Variants in KHNYN observed in about 807,000 individuals in gnomAD.
KHNYN encodes the protein protein KHNYN.
Under a neutral mutation model 62.7 loss-of-function variants are expected in KHNYN, and 42 were observed. The observed-to-expected ratio is 0.67, with a 90% CI of 0.52 to 0.87. KHNYN has a LOEUF of 0.87. KHNYN is among the 40% of genes least tolerant of loss of function. KHNYN has a pLI of 0.00. For synonymous variants in KHNYN, 347 were observed against 345.6 expected (o/e 1.00, Z -0.04); for missense variants, 829 against 874.1 (o/e 0.95, Z 0.65).
upstream of KHNYN, among the ~76,000 whole-genome samples, chr14:24,424,897 T>G (rs539879499): frequency 4.6e-5 from 7 of 152,186 alleles, no homozygotes; most frequent in Non-Finnish European, 1.0e-4. Context: ...ACAGAAACTG[T>G]GAGGTAATAA....
At chr14:24,435,888 TG>T in intron 5 of KHNYN, 183 bp from the exon 6 acceptor site, 1 of 607,772 alleles carries the variant, frequency 1.6e-6, no homozygotes, top group Non-Finnish European at 2.9e-6. Flanking sequence ...GAGTCCCAAA[TG>T]GTTGCTGTGG....
chr14:24,429,746 T>A, upstream of KHNYN: 5 of 985,404 alleles, frequency 5.1e-6, no homozygotes, highest in Non-Finnish European at 6.0e-6. Context: ...GAGAAGTAAC[T>A]GCGCAGAATG....
chr14:24,427,759 T>G (rs1365563083), upstream of KHNYN: 1 of 1,608,884 alleles, frequency 6.2e-7, no homozygotes, highest in Admixed American at 1.7e-5. This position sits in a 1 kb window ranked among gnomAD's most constrained non-coding sequence, Gnocchi z 4.4. Context: ...TGTCAGGGGC[T>G]GGATTCTTGT....
rs2043294976 is a variant in KHNYN, at chr14:24,440,446, C to T, written c.*3161C>T. The T allele has an allele frequency of 6.2e-7, 1 of 1,611,322 alleles. No homozygotes were observed. The highest frequency in any genetic ancestry group is 2.2e-5 in the East Asian group (1 of 44,762). On this transcript the variant is annotated 3_prime_UTR_variant, in exon 8 of 8. Transcript: ENST00000553935. ...GGCCCCCCAGGCCCAGGCGAAAGGG[C>T]AGCAGCATGTGGCCCATGGCACCAC...
rs2043289546 is a variant in KHNYN, at chr14:24,440,374, G to C, written c.*3089G>C. On this transcript the variant is annotated 3_prime_UTR_variant, in exon 8 of 8. Coordinates refer to ENST00000553935, the MANE Select transcript of KHNYN (RefSeq NM_015299.3). ...GGGCATGGGTCAGGATTCCTGCCAG[G>C]TCCCCGATGTGTATCCAGGGGAAGA... 6.2e-7 allele frequency: 1 copy of C among 1,613,902 alleles called. No homozygotes were observed. The highest frequency in any genetic ancestry group is 8.5e-7 in the Non-Finnish European group (1 of 1,179,892).
upstream of KHNYN, chr14:24,428,557 A>C: frequency 8.8e-7 from 1 of 1,131,852 alleles, no homozygotes. Flanking sequence ...AAATGGTGAG[A>C]AGGGGCAAGG....
At position 24,441,693 on chromosome 14, in the gene KHNYN, C is replaced by T. The variant is rs764512128; in HGVS notation, c.*4408C>T. The stretch of plus-strand genomic sequence containing the variant: ...GCGTACCTACACCTGTGACTAAGAC[C>T]CAGGCCTTGGGGGGTTGTGGGGCTT... On this transcript the variant is annotated 3_prime_UTR_variant, in exon 8 of 8. Coordinates refer to ENST00000553935, the MANE Select transcript of KHNYN (RefSeq NM_015299.3). 4 of 1,589,804 alleles carry T rather than the reference C, an allele frequency of 2.5e-6. No individual in the cohort carries two copies. The highest frequency in any genetic ancestry group is 1.4e-5 in the African/African-American group (1 of 73,160).
In KHNYN at chr14:24,438,031, T is replaced by A. The variant is rs2043235128; in HGVS notation, c.*746T>A. The stretch of plus-strand genomic sequence containing the variant: ...TCACTTTCAGAGAGATGTGGGTCCT[T>A]TGTCTCCAGGATCCACACCCTAGAT... On this transcript the variant is annotated 3_prime_UTR_variant, in exon 8 of 8. Coordinates refer to ENST00000553935, the MANE Select transcript of KHNYN (RefSeq NM_015299.3). 1 of 152,514 alleles carries A rather than the reference T, an allele frequency of 6.6e-6. No homozygotes were observed. The allele number at this position is 152,514 out of a possible 1,614,324, so 9.4% of individuals were successfully genotyped here.
chr14:24,441,240 CCT>C lies in KHNYN; in HGVS notation c.*3960_*3961del. ...CTCTGACTTGATGCAAGTTACTTAACCTCTCTGTATAGAATTTTCACATCTTT... is the reference window on the plus strand; with the variant it reads ...CTCTGACTTGATGCAAGTTACTTAACCTCTGTATAGAATTTTCACATCTTT... On this transcript the variant is annotated 3_prime_UTR_variant, in exon 8 of 8. Coordinates refer to ENST00000553935, the MANE Select transcript of KHNYN (RefSeq NM_015299.3). 2.1e-6 allele frequency: 1 copy of C among 480,842 alleles called. No individual in the cohort carries two copies. Among genetic ancestry groups the C allele is most frequent in the Admixed American group, 3.4e-5 (1 of 29,670 alleles). 29.8% of individuals were successfully genotyped at this position (480,842 alleles called of 1,614,324 possible).
upstream of KHNYN, chr14:24,428,632 T>A (rs772452323): frequency 2.9e-4 from 357 of 1,214,850 alleles, no homozygotes; most frequent in Non-Finnish European, 4.0e-4. Context: ...ATAGGCCAGA[T>A]TAGTGAAAGA....
chr14:24,429,810 G>A (rs540906413), upstream of KHNYN: 2,019 of 1,073,596 alleles, frequency 1.9e-3, 1 homozygote, highest in Admixed American at 2.5e-3. Context: ...AGAAGCGCAA[G>A]GGGCGAGCCC....
chr14:24,431,561 T>C lies in KHNYN; in HGVS notation c.300T>C (p.Leu100=). 6.2e-7 allele frequency: 1 copy of C among 1,613,002 alleles called. No homozygotes were observed. The highest frequency in any genetic ancestry group is 8.5e-7 in the Non-Finnish European group (1 of 1,179,168). Residue 100 remains leucine, a synonymous_variant, in exon 3 of 8, where the codon CTT becomes CTC. Transcript: ENST00000553935. The part of the protein sequence containing the change: ...CIFLGAQGFF[L]DCLAWSTSAH... The stretch of plus-strand genomic sequence containing the variant: ...TTCTGGGAGCCCAGGGCTTCTTCCT[T>C]GACTGCCTGGCCTGGAGCACGTCAG...
chr14:24,430,419 C>T, intron 1 of KHNYN: 1 of 1,211,752 alleles, frequency 8.3e-7, no homozygotes, highest in South Asian at 2.1e-5. Flanking sequence ...TCCTTCTGGC[C>T]TCCAGGCCGA....
Position 24,432,837 on chromosome 14 carries a change from G to A in KHNYN, c.1465G>A (p.Asp489Asn), listed in dbSNP as rs768813593. ...VFVPQWRFSKDAKVRESHFLQ... is the reference protein window; with the variant it reads ...VFVPQWRFSKNAKVRESHFLQ... ...TGTGCCTCAGTGGCGCTTCAGTAAG[G>A]ATGCCAAAGTCAGAGGTGAGTTGGG... Residue 489 changes from aspartate (D) to asparagine (N), a missense_variant, in exon 4 of 8, where the codon GAT becomes AAT. Physicochemically the swap from Asp to Asn is conservative, Grantham distance 23. This residue lies in a region of KHNYN where 270 missense variants were observed against 347.1 expected (regional missense o/e 0.78). Transcript: ENST00000553935. The surrounding 1 kb of genome is among the most constrained non-coding windows in gnomAD (Gnocchi z 5.6). 1 of 1,614,236 alleles carries A rather than the reference G, an allele frequency of 6.2e-7. No individual in the cohort carries two copies. The highest frequency in any genetic ancestry group is 8.5e-7 in the Non-Finnish European group (1 of 1,180,034).
At chr14:24,436,213 G>C (rs1433432787) in intron 6 of KHNYN, 34 bp downstream of exon 6, 31 of 1,567,708 alleles carry the variant, frequency 2.0e-5, no homozygotes, top group Non-Finnish European at 2.7e-5. Flanking sequence ...ACTGGGCACA[G>C]ATGCAGATGT....
Position 24,437,046 on chromosome 14 carries a change from T to A in KHNYN, c.1798T>A (p.Ser600Thr). 1 of 1,613,464 alleles carries A rather than the reference T, an allele frequency of 6.2e-7. No homozygotes were observed. Among genetic ancestry groups the A allele is most frequent in the Non-Finnish European group, 8.5e-7 (1 of 1,179,562 alleles). ...FLKKPARTQG[S>T]SKAQHPSRGF... Reference sequence around the variant, plus strand: ...TCTGTTTCTTCCCAGGACACAGGGGTCTTCTAAGGCTCAGCATCCTTCCAG... The same window carrying A: ...TCTGTTTCTTCCCAGGACACAGGGGACTTCTAAGGCTCAGCATCCTTCCAG... Residue 600 changes from serine (S) to threonine (T), a missense_variant, in exon 8 of 8, where the codon TCT becomes ACT. By Grantham distance (58) the Ser-to-Thr change is moderately conservative. Transcript: ENST00000553935. The surrounding 1 kb of genome is among the most constrained non-coding windows in gnomAD (Gnocchi z 5.5).
At chr14:24,429,186 T>G, upstream of KHNYN, 2 of 903,480 alleles carry the variant, frequency 2.2e-6, no homozygotes, top group Non-Finnish European at 3.3e-6. Flanking sequence ...CCCCTCTCCA[T>G]ACCTGTGTCC....
upstream of KHNYN, chr14:24,426,950 T>G (rs1302035308): frequency 1.3e-5 from 2 of 152,306 alleles, no homozygotes; most frequent in Non-Finnish European, 1.5e-5. Context: ...AGTTCAAACT[T>G]CAAAGGTGGA....
upstream of KHNYN, chr14:24,429,780 G>A (rs1335259347): frequency 1.0e-6 from 1 of 985,234 alleles, no homozygotes; most frequent in African/African-American, 1.7e-5. Flanking sequence ...AGGGCCGGGA[G>A]ACAGACGGGA....
Sources: allele counts gnomAD v4.1 joint callset (sites outside exome capture counted in the v4.1 genomes callset), GRCh38; gene constraint gnomAD v4.1.1; regional missense constraint gnomAD v4.1.1; non-coding constraint Gnocchi (gnomAD v3.1); transcripts MANE v1.5; gene names NCBI Gene and HGNC (gene_info 2026-07-23, HGNC 2026-07-21).